Variants in RORB observed in about 807,000 individuals in gnomAD.
RORB encodes RAR related orphan receptor B.
A neutral mutation model predicts 59.1 loss-of-function variants in RORB; 6 were observed. The ratio of observed to expected loss-of-function variants is 0.10; its 90% CI spans 0.06 to 0.20. RORB has a LOEUF of 0.20. Ranked by LOEUF, RORB falls within the 10% of genes least tolerant of loss-of-function variation. The pLI is 1.00. For missense variants in RORB, 320 were observed against 560.5 expected (o/e 0.57, Z 4.33); for synonymous variants, 215 against 204.5 (o/e 1.05, Z -0.44).
intron 9 of RORB, among the ~76,000 whole-genome samples, chr9:74,681,954 TAAC>T (rs1361740540): frequency 6.6e-6 from 1 of 152,228 alleles, no homozygotes; most frequent in Admixed American, 6.5e-5. Context: ...TGCCATGCAT[TAAC>T]TTTTGGTTAA....
intron 1 of RORB, among the ~76,000 whole-genome samples, chr9:74,615,413 G>T (rs751980225): frequency 2.0e-5 from 3 of 152,138 alleles, no homozygotes; most frequent in South Asian, 2.1e-4. Context: ...CACCTTCTGC[G>T]CCTGAGCCAG....
At chr9:74,607,587 T>C (rs1823167027) in intron 1 of RORB, among the ~76,000 whole-genome samples, 1 of 141,016 alleles carries the variant, frequency 7.1e-6, no homozygotes, top group Non-Finnish European at 1.6e-5. Flanking sequence ...GTTTATACTA[T>C]ATATATATTT....
chr9:74,545,722 G>A (rs1303912922), intron 1 of RORB, among the ~76,000 whole-genome samples: 2 of 152,110 alleles, frequency 1.3e-5, no homozygotes, highest in African/African-American at 4.8e-5. Flanking sequence ...ACTTCAAACA[G>A]TCTTTTTGGA....
rs1383788533 is a variant in RORB, at chr9:74,690,036, C to T, written c.*4418C>T. The T allele has an allele frequency of 6.6e-6, 1 of 152,108 alleles. No homozygotes were observed. Among genetic ancestry groups the T allele is most frequent in the African/African-American group, 2.4e-5 (1 of 41,426 alleles). The allele number at this position is 152,108 out of a possible 1,614,324, so 9.4% of individuals were successfully genotyped here. Reference sequence around the variant, plus strand: ...CAGGCCATGGACGTCTGTGCCCTAACAGAAGCACCGTTCAATAGAACAGCA... The same window carrying T: ...CAGGCCATGGACGTCTGTGCCCTAATAGAAGCACCGTTCAATAGAACAGCA... On this transcript the variant is annotated 3_prime_UTR_variant, in exon 10 of 10. Transcript: ENST00000376896.
chr9:74,682,020 T>TC (rs2118574949), intron 9 of RORB, among the ~76,000 whole-genome samples: 1 of 152,274 alleles, frequency 6.6e-6, no homozygotes, highest in South Asian at 2.1e-4. Flanking sequence ...CTGCCTTCCA[T>TC]GTCCTTCGAC....
chr9:74,589,820 C>T (rs1162311725), intron 1 of RORB, among the ~76,000 whole-genome samples: 2 of 152,142 alleles, frequency 1.3e-5, no homozygotes, highest in Non-Finnish European at 2.9e-5. Flanking sequence ...TCCTTTCTAA[C>T]CACAGACACC....
At chr9:74,520,590 T>G (rs905299201) in intron 1 of RORB, among the ~76,000 whole-genome samples, 3 of 151,928 alleles carry the variant, frequency 2.0e-5, no homozygotes, top group Admixed American at 2.0e-4. Context: ...TTTATTAAAT[T>G]CAGATGATAG....
At chr9:74,606,389 A>G (rs1823148918) in intron 1 of RORB, among the ~76,000 whole-genome samples, 1 of 152,202 alleles carries the variant, frequency 6.6e-6, no homozygotes, top group Non-Finnish European at 1.5e-5. Flanking sequence ...TAGTTTGGCA[A>G]TGTGAATTGT....
intron 1 of RORB, among the ~76,000 whole-genome samples, chr9:74,568,325 G>C (rs957735249): frequency 4.6e-5 from 7 of 151,528 alleles, no homozygotes; most frequent in African/African-American, 7.3e-5. Flanking sequence ...ATTATATAAG[G>C]GATAGAGAGA....
At chr9:74,596,942 T>C (rs931076230) in intron 1 of RORB, among the ~76,000 whole-genome samples, 1 of 152,196 alleles carries the variant, frequency 6.6e-6, no homozygotes, top group Non-Finnish European at 1.5e-5. Flanking sequence ...GAAAATTCTA[T>C]CAGACAGCAC....
In RORB at chr9:74,685,802, A is replaced by ATTTG. The variant is rs1021824741; in HGVS notation, c.*196_*199dup. 2.5e-6 allele frequency: 1 copy of ATTTG among 405,798 alleles called. No individual in the cohort carries two copies. Among genetic ancestry groups the ATTTG allele is most frequent in the Non-Finnish European group, 4.3e-6 (1 of 233,226 alleles). 25.1% of individuals were successfully genotyped at this position (405,798 alleles called of 1,614,324 possible). On this transcript the variant is annotated 3_prime_UTR_variant, in exon 10 of 10. Coordinates refer to ENST00000376896, the MANE Select transcript of RORB (RefSeq NM_006914.4). Reference sequence around the variant, plus strand: ...ATATGCACCTGAGTGGGGCTCTTTTATTTGTTTGTTTGTTTTTGAAATGAC... The same window carrying ATTTG: ...ATATGCACCTGAGTGGGGCTCTTTTATTTGTTTGTTTGTTTGTTTTTGAAATGAC...
intron 1 of RORB, among the ~76,000 whole-genome samples, chr9:74,587,427 A>T (rs767514933): frequency 2.0e-5 from 3 of 152,214 alleles, no homozygotes; most frequent in Non-Finnish European, 4.4e-5. Context: ...TATTTTATAT[A>T]TTGTTCTCTA....
chr9:74,586,184 T>G (rs1055059316), intron 1 of RORB, among the ~76,000 whole-genome samples: 1 of 151,974 alleles, frequency 6.6e-6, no homozygotes, highest in African/African-American at 2.4e-5. Context: ...AAATCTAGAG[T>G]TAACAGATAT....
intron 1 of RORB, among the ~76,000 whole-genome samples, chr9:74,533,462 T>C (rs1007507795): frequency 2.0e-5 from 3 of 152,060 alleles, no homozygotes; most frequent in Non-Finnish European, 4.4e-5. Flanking sequence ...GAAGTACTAA[T>C]GATGATAAAA....
At position 74,566,410 on chromosome 9, in the gene RORB, A is replaced by C. The variant is rs192461758; in HGVS notation, c.8-63872A>C. On this transcript the variant is annotated intron_variant, in intron 1 of 9. Transcript: ENST00000376896. Reference sequence around the variant, plus strand: ...TTTCTATTATTTTGTTAGTTGTATTAGTTGTATTATTCTGTCTCTACTACT... The same window carrying C: ...TTTCTATTATTTTGTTAGTTGTATTCGTTGTATTATTCTGTCTCTACTACT... Among the ~76,000 whole-genome samples, 6 of 151,654 alleles carry C rather than the reference A, an allele frequency of 4.0e-5. No individual in the cohort carries two copies. The East Asian group carries it at 1.2e-3, about 29-fold the overall frequency.
intron 1 of RORB, among the ~76,000 whole-genome samples, chr9:74,617,121 G>A (rs1436845085): frequency 4.1e-5 from 6 of 145,656 alleles, no homozygotes; most frequent in African/African-American, 1.5e-4. Context: ...CTCTTTAGAA[G>A]TAATTCAAAT....
At chr9:74,545,118 G>A (rs1234373745) in intron 1 of RORB, among the ~76,000 whole-genome samples, 4 of 149,214 alleles carry the variant, frequency 2.7e-5, no homozygotes, top group Non-Finnish European at 4.5e-5. Flanking sequence ...TTTTTGCGGC[G>A]CTTATTGGGG....
chr9:74,534,570 G>C (rs1826292728), intron 1 of RORB, among the ~76,000 whole-genome samples: 2 of 151,930 alleles, frequency 1.3e-5, no homozygotes, highest in South Asian at 4.1e-4. Flanking sequence ...TTTAATGACA[G>C]ATGCTAATTC....
At chr9:74,519,157 C>A (rs1826050459) in intron 1 of RORB, among the ~76,000 whole-genome samples, 1 of 151,958 alleles carries the variant, frequency 6.6e-6, no homozygotes, top group African/African-American at 2.4e-5. Context: ...GGCCTGAAAA[C>A]TTGAAAGATA....
Sources: gnomAD v4.1 joint callset for allele counts (sites outside exome capture counted in the v4.1 genomes callset) on GRCh38, gnomAD v4.1.1 for gene constraint, MANE v1.5 for transcripts, NCBI Gene and HGNC (gene_info 2026-07-23, HGNC 2026-07-21) for gene names.